Variants in FHIT observed in about 807,000 individuals in gnomAD.
FHIT encodes the protein bis(5'-adenosyl)-triphosphatase.
FHIT carries 19 observed loss-of-function variants against 17.9 expected under a neutral mutation model. That is an observed-to-expected ratio of 1.06 (90% CI 0.74 to 1.56). The LOEUF (loss-of-function observed/expected upper bound fraction) is 1.56, where lower values mean the gene tolerates loss of function less well. Ranked by LOEUF, FHIT falls within the 40% of genes most tolerant of loss-of-function variation. FHIT has a pLI of 0.00. For synonymous variants in FHIT, 81 were observed against 69.7 expected (o/e 1.16, Z -0.81); for missense variants, 248 against 189.2 (o/e 1.31, Z -1.82).
chr3:60,809,103 G>A (rs1420089441), intron 4 of FHIT, among the ~76,000 whole-genome samples: 1 of 152,046 alleles, frequency 6.6e-6, no homozygotes, highest in Non-Finnish European at 1.5e-5. Context: ...ACTGAGAAAA[G>A]CTAACTCATA....
chr3:59,754,128 C>A (rs569600637), intron 8 of FHIT, among the ~76,000 whole-genome samples: 6 of 152,268 alleles, frequency 3.9e-5, no homozygotes, highest in Admixed American at 2.0e-4. Context: ...CCATTTATTG[C>A]AGCTCAACAT....
At chr3:60,640,637 CAA>C (rs879994097) in intron 4 of FHIT, among the ~76,000 whole-genome samples, 5 of 151,818 alleles carry the variant, frequency 3.3e-5, no homozygotes, top group Non-Finnish European at 5.9e-5. Flanking sequence ...AAAGAAAATC[CAA>C]GAGACAAAGC....
At chr3:60,023,549 G>T (rs373856855) in intron 5 of FHIT, among the ~76,000 whole-genome samples, 1 of 152,136 alleles carries the variant, frequency 6.6e-6, no homozygotes, top group Non-Finnish European at 1.5e-5. Flanking sequence ...GTTTCCCTCA[G>T]ATCTTCCATA....
At chr3:59,817,156 CCT>C (rs1469647129) in intron 8 of FHIT, among the ~76,000 whole-genome samples, 3 of 152,124 alleles carry the variant, frequency 2.0e-5, no homozygotes, top group Non-Finnish European at 4.4e-5. Context: ...TCTATAAGAT[CCT>C]CTGTTTTCTA....
chr3:60,515,779 C>T (rs919575828), intron 5 of FHIT, among the ~76,000 whole-genome samples: 2 of 152,062 alleles, frequency 1.3e-5, no homozygotes, highest in Non-Finnish European at 2.9e-5. Context: ...ACAACAATTC[C>T]GCTGGGTAGA....
intron 8 of FHIT, among the ~76,000 whole-genome samples, chr3:59,885,376 G>A (rs957869292): frequency 2.6e-5 from 4 of 151,702 alleles, no homozygotes; most frequent in African/African-American, 7.3e-5. Flanking sequence ...TACAGTGACC[G>A]CAGGAACAAA....
At chr3:60,375,971 T>G (rs1046032287) in intron 5 of FHIT, among the ~76,000 whole-genome samples, 1 of 152,196 alleles carries the variant, frequency 6.6e-6, no homozygotes, top group Non-Finnish European at 1.5e-5. Flanking sequence ...TTTATTCCTT[T>G]TTAATTAATT....
At chr3:60,905,590 G>A (rs1163048804) in intron 3 of FHIT, among the ~76,000 whole-genome samples, 3 of 152,110 alleles carry the variant, frequency 2.0e-5, no homozygotes, top group African/African-American at 7.2e-5. Flanking sequence ...GCCATCCATA[G>A]ATACAATCAA....
At chr3:60,975,487 T>C (rs1202535232) in intron 3 of FHIT, among the ~76,000 whole-genome samples, 2 of 152,172 alleles carry the variant, frequency 1.3e-5, no homozygotes, top group African/African-American at 4.8e-5. Flanking sequence ...AGGAACAGAC[T>C]AAAGAGAGAA....
intron 8 of FHIT, among the ~76,000 whole-genome samples, chr3:59,765,899 C>G (rs367599764): frequency 3.3e-5 from 5 of 152,184 alleles, no homozygotes; most frequent in Admixed American, 2.0e-4. Flanking sequence ...TCAAGCAAAA[C>G]AAATGTTTGA....
intron 2 of FHIT, among the ~76,000 whole-genome samples, chr3:61,192,879 C>T (rs1162576583): frequency 3.3e-5 from 5 of 152,174 alleles, no homozygotes. Context: ...TGAGGCATCA[C>T]CTTGTCTCAG....
At chr3:60,827,753 G>T (rs1053301253) in intron 3 of FHIT, among the ~76,000 whole-genome samples, 3 of 152,216 alleles carry the variant, frequency 2.0e-5, no homozygotes, top group African/African-American at 7.2e-5. Context: ...TGGGTGATAA[G>T]AACATCTCTC....
intron 5 of FHIT, among the ~76,000 whole-genome samples, chr3:60,434,945 CAG>C (rs1359198760): frequency 1.3e-5 from 2 of 152,100 alleles, no homozygotes; most frequent in Admixed American, 6.6e-5. Flanking sequence ...TCATTTGTAA[CAG>C]TGTTTTTTCT....
intron 4 of FHIT, among the ~76,000 whole-genome samples, chr3:60,561,021 G>A (rs1022068817): frequency 1.3e-5 from 2 of 151,848 alleles, no homozygotes; most frequent in African/African-American, 4.8e-5. Context: ...GCAAATAATT[G>A]ATACCCAACA....
rs1233764245 is a variant in FHIT, at chr3:59,844,064, C to T, written c.348+78282G>A. Among the ~76,000 whole-genome samples the T allele has an allele frequency of 2.0e-5, 3 of 152,138 alleles. No homozygotes were observed. In the South Asian group the frequency reaches 6.2e-4, roughly 31 times the overall value. ...TGGCCATGTGACATGCCTGCTCATG[C>T]TTCACTGTCTGCCATGAGTAAAAGC... On this transcript the variant is annotated intron_variant, in intron 8 of 9. Coordinates refer to ENST00000492590, the MANE Select transcript of FHIT (RefSeq NM_002012.4).
chr3:60,093,616 T>C (rs1703819925), intron 5 of FHIT, among the ~76,000 whole-genome samples: 1 of 152,038 alleles, frequency 6.6e-6, no homozygotes, highest in African/African-American at 2.4e-5. Flanking sequence ...AGGAGGTGAG[T>C]GGCGGGTGAG....
intron 4 of FHIT, among the ~76,000 whole-genome samples, chr3:60,730,981 A>T (rs1553711043): frequency 1.6e-5 from 2 of 127,978 alleles, no homozygotes; most frequent in African/African-American, 5.8e-5. Context: ...AAAAAAAAAA[A>T]TTAGCCCAGC....
At chr3:61,071,376 TCCTGAC>T (rs1209057315) in intron 2 of FHIT, among the ~76,000 whole-genome samples, 2 of 152,068 alleles carry the variant, frequency 1.3e-5, no homozygotes, top group African/African-American at 4.8e-5. Flanking sequence ...AACATATATT[TCCTGAC>T]CCATTATTTC....
intron 3 of FHIT, among the ~76,000 whole-genome samples, chr3:60,930,562 A>G (rs1707895936): frequency 6.6e-6 from 1 of 152,242 alleles, no homozygotes; most frequent in South Asian, 2.1e-4. Flanking sequence ...AAGGATATGA[A>G]CAGACACTTC....
Sources: gnomAD v4.1 joint callset for allele counts (sites outside exome capture counted in the v4.1 genomes callset) on GRCh38, gnomAD v4.1.1 for gene constraint, MANE v1.5 for transcripts, NCBI Gene and HGNC (gene_info 2026-07-23, HGNC 2026-07-21) for gene names.